PCYT1B: variants seen among roughly 807,000 people sequenced by gnomAD.
The protein encoded by PCYT1B is phosphate cytidylyltransferase 1B, choline.
A neutral mutation model predicts 26.4 loss-of-function variants in PCYT1B; 10 were observed. That is an observed-to-expected ratio of 0.38 (90% CI 0.23 to 0.64). The LOEUF is 0.64. PCYT1B is among the 30% of genes least tolerant of loss of function. The pLI is 0.56. For synonymous variants in PCYT1B, 131 were observed against 108.4 expected, an observed-to-expected ratio of 1.21 and a Z score of -1.29; for missense variants, 161 against 292.7, an observed-to-expected ratio of 0.55 and a Z score of 3.28.
At chrX:24,596,320 G>A (rs768392689) in intron 3 of PCYT1B, among the ~76,000 whole-genome samples, 25 of 111,296 alleles carry the variant, frequency 2.2e-4, no homozygotes, top group African/African-American at 7.8e-4. Context: ...GGCCAGGTGC[G>A]GTGGCTCATG....
intron 5 of PCYT1B, among the ~76,000 whole-genome samples, chrX:24,580,016 A>T: frequency 8.9e-6 from 1 of 112,062 alleles, no homozygotes. Context: ...CTTTACAAAA[A>T]ATACAAAAGT....
chrX:24,644,907 A>G (rs1926575985), intron 1 of PCYT1B, among the ~76,000 whole-genome samples: 1 of 111,470 alleles, frequency 9.0e-6, no homozygotes, highest in African/African-American at 3.3e-5. Context: ...CAAAAATACA[A>G]AAAAATATTA....
In PCYT1B at chrX:24,561,218, T is replaced by C. The variant is rs149961558; in HGVS notation, c.*1075A>G. ...GAGACCAAGGATTTCAGAGGAGTAT[T>C]ATGGTGGAGCGCAGGAGTGGGGTCT... is the stretch of plus-strand genomic sequence containing the variant. On this transcript the variant is annotated 3_prime_UTR_variant, in exon 8 of 8. Coordinates refer to ENST00000379144, the MANE Select transcript of PCYT1B (RefSeq NM_004845.5). 2.7e-5 allele frequency: 3 copies of C among 112,065 alleles called. No individual in the cohort carries two copies. The highest frequency in any genetic ancestry group is 9.8e-5 in the African/African-American group (3 of 30,633). 9.2% of individuals were successfully genotyped at this position (112,065 alleles called of 1,213,427 possible).
chrX:24,652,811 C>T (rs965079721), intron 1 of PCYT1B, among the ~76,000 whole-genome samples: 48 of 110,691 alleles, frequency 4.3e-4, no homozygotes, highest in African/African-American at 1.5e-3. Flanking sequence ...CGGCCAGGCA[C>T]GGTGGCTCAT....
At chrX:24,619,168 C>T in intron 1 of PCYT1B, 84 bp from the exon 2 acceptor site, 1 of 646,515 alleles carries the variant, frequency 1.5e-6, no homozygotes, top group East Asian at 3.3e-5. Context: ...TTCCTGTTGG[C>T]TACACAGGTA....
At chrX:24,629,970 C>T (rs1008776182) in intron 1 of PCYT1B, among the ~76,000 whole-genome samples, 7 of 111,623 alleles carry the variant, frequency 6.3e-5, no homozygotes, top group African/African-American at 2.0e-4. Flanking sequence ...TCAGTGTTGG[C>T]CATTTTTTCA....
chrX:24,617,939 T>C (rs1925567317), intron 2 of PCYT1B, among the ~76,000 whole-genome samples: 1 of 111,856 alleles, frequency 8.9e-6, no homozygotes, highest in Non-Finnish European at 1.9e-5. Flanking sequence ...TCTCCTAAAA[T>C]GTCTGTTCTG....
chrX:24,662,482 G>A (rs1197799524), intron 1 of PCYT1B, among the ~76,000 whole-genome samples: 1 of 111,519 alleles, frequency 9.0e-6, no homozygotes, highest in Non-Finnish European at 1.9e-5. Context: ...CCGGCACCCT[G>A]ATGACCTTGA....
intron 3 of PCYT1B, among the ~76,000 whole-genome samples, chrX:24,600,164 C>T (rs1218083198): frequency 1.8e-5 from 2 of 111,445 alleles, no homozygotes; most frequent in African/African-American, 6.5e-5. Context: ...ACCTCGGCCT[C>T]CCAAAGTGCT....
intron 7 of PCYT1B, among the ~76,000 whole-genome samples, chrX:24,562,866 T>C (rs2148216374): frequency 9.1e-6 from 1 of 110,046 alleles, no homozygotes; most frequent in East Asian, 2.9e-4. Context: ...TAGCTGGGAT[T>C]ACAGGTGCCC....
chrX:24,576,144 T>C (rs1288831090), intron 6 of PCYT1B, among the ~76,000 whole-genome samples: 1 of 112,265 alleles, frequency 8.9e-6, no homozygotes, highest in African/African-American at 3.2e-5. Flanking sequence ...TTCATTAGTA[T>C]TAAGTGGCAG....
intron 1 of PCYT1B, among the ~76,000 whole-genome samples, chrX:24,660,243 A>G (rs1250133453): frequency 8.9e-6 from 1 of 112,551 alleles, no homozygotes; most frequent in Non-Finnish European, 1.9e-5. Context: ...AAGGATCTCT[A>G]TTTTGTTTGT....
At chrX:24,562,622 T>A in intron 7 of PCYT1B, 117 bp from the exon 8 acceptor site, 1 of 567,052 alleles carries the variant, frequency 1.8e-6, no homozygotes, top group Non-Finnish European at 2.9e-6. Context: ...CCCACAAACC[T>A]ACACTCATAC....
At chrX:24,666,300 T>C (rs1183698541) in intron 1 of PCYT1B, among the ~76,000 whole-genome samples, 1 of 111,223 alleles carries the variant, frequency 9.0e-6, no homozygotes, top group Non-Finnish European at 1.9e-5. Context: ...AAGTCATGCA[T>C]CCAAGATAAA....
chrX:24,617,456 T>TA (rs1256200520), intron 2 of PCYT1B, among the ~76,000 whole-genome samples: 27 of 103,305 alleles, frequency 2.6e-4, no homozygotes, highest in African/African-American at 9.1e-4. Context: ...ATTATTATTT[T>TA]TTTTTTTTTG....
At chrX:24,644,228 C>T (rs1926551088) in intron 1 of PCYT1B, among the ~76,000 whole-genome samples, 1 of 111,528 alleles carries the variant, frequency 9.0e-6, no homozygotes, top group Non-Finnish European at 1.9e-5. Context: ...TAGAATATAA[C>T]CCTACAGTGA....
chrX:24,642,142 C>A (rs773453751), intron 1 of PCYT1B, among the ~76,000 whole-genome samples: 3 of 112,937 alleles, frequency 2.7e-5, no homozygotes, highest in Non-Finnish European at 3.7e-5. Context: ...TTCCACAAAC[C>A]AAACTACTAC....
At chrX:24,593,643 C>T (rs1162109278) in intron 3 of PCYT1B, among the ~76,000 whole-genome samples, 3 of 109,105 alleles carry the variant, frequency 2.7e-5, no homozygotes, top group African/African-American at 1.0e-4. Context: ...TCTCCTGCCT[C>T]AGCCTCCCGA....
chrX:24,609,675 T>C (rs1042072018), intron 2 of PCYT1B, among the ~76,000 whole-genome samples: 3 of 112,364 alleles, frequency 2.7e-5, no homozygotes. Flanking sequence ...GGATGAGAGA[T>C]GTCAACAACA....
Sources: gnomAD v4.1 joint callset for allele counts (sites outside exome capture counted in the v4.1 genomes callset) on GRCh38, gnomAD v4.1.1 for gene constraint, MANE v1.5 for transcripts, NCBI Gene and HGNC (gene_info 2026-07-23, HGNC 2026-07-21) for gene names.